The following GGT5 variants were observed in gnomAD, a reference collection of about 807,000 sequenced individuals.
GGT5 encodes the protein gamma-glutamyltransferase 5.
In GGT5, 50 loss-of-function variants were observed where a neutral mutation model predicts 58.1. The observed-to-expected ratio is 0.86, with a 90% confidence interval of 0.69 to 1.09. The LOEUF (loss-of-function observed/expected upper bound fraction) is 1.09. Among genes scored for constraint, GGT5 ranks in the 50% least tolerant of loss-of-function variants. GGT5 has a pLI of 0.00. For missense variants in GGT5, 800 were observed against 789.4 expected, an observed-to-expected ratio of 1.01 and a Z score of -0.16; for synonymous variants, 370 against 346.1, an observed-to-expected ratio of 1.07 and a Z score of -0.77.
In GGT5 at chr22:24,233,539, C is replaced by T. The variant is rs2048012158; in HGVS notation, c.359G>A (p.Ser120Asn). 2 of 1,609,810 alleles carry T rather than the reference C, an allele frequency of 1.2e-6. No homozygotes were observed. Among genetic ancestry groups the T allele is most frequent in the African/African-American group, 1.3e-5 (1 of 74,974 alleles). Residue 120 changes from serine to asparagine, a missense_variant, in exon 3 of 12, where the codon AGC becomes AAC. Coordinates refer to ENST00000327365, the MANE Select transcript of GGT5 (RefSeq NM_004121.5). ...AGCCTGTGCACACTGGTCCAGCAGG[C>T]TCGGGGCGTGGCTGGCCGGCACCGT... ...RETVPASHAP[S>N]LLDQCAQALP...
rs2047714902 is a variant in GGT5, at chr22:24,225,238, G to A, written c.1503+7C>T. ...GGAGACACTCGAGCCAGGAGCCCCA[G>A]ACTCACCTGGGCCACAGCAGAGATG... is the stretch of plus-strand genomic sequence containing the variant. On this transcript the variant is annotated splice_region_variant and intron_variant, in intron 10 of 11. Transcript: ENST00000327365. 2 of 1,612,732 alleles carry A rather than the reference G, an allele frequency of 1.2e-6. No individual in the cohort carries two copies. The highest frequency in any genetic ancestry group is 1.7e-5 in the Admixed American group (1 of 60,012).
Position 24,234,010 on chromosome 22 carries a change from G to A in GGT5, c.174-6C>T. 6.2e-7 allele frequency: 1 copy of A among 1,603,024 alleles called. No individual in the cohort carries two copies. The highest frequency in any genetic ancestry group is 8.5e-7 in the Non-Finnish European group (1 of 1,175,412). On this transcript the variant is annotated splice_polypyrimidine_tract_variant and splice_region_variant and intron_variant, in intron 1 of 11. Transcript: ENST00000327365. ...CCTGCTGCTGGAGGATGGCTCTAGG[G>A]GACATGGCACAGAGTCGCTGTGGGG...
intron 1 of GGT5, chr22:24,243,101 T>C (rs2267073): frequency 0.56 from 85,527 of 151,950 alleles, 24,381 homozygotes; most frequent in African/African-American, 0.64. Context: ...AGACTCCACC[T>C]AGAAATTTGT....
chr22:24,240,189 T>C (rs890270861), intron 1 of GGT5, among the ~76,000 whole-genome samples: 4 of 152,192 alleles, frequency 2.6e-5, no homozygotes, highest in Admixed American at 2.6e-4. Flanking sequence ...CTGTCATCTT[T>C]TAAAATAACC....
In GGT5 at chr22:24,244,741, G is replaced by A; in HGVS notation, c.-16C>T. On this transcript the variant is annotated 5_prime_UTR_variant, in exon 1 of 12. Transcript: ENST00000327365. The stretch of plus-strand genomic sequence containing the variant: ...CCCGGGCCATGGCTCTGCAGCCCAG[G>A]AGGAGAGGGGCGGCTGGTGGGCAGA... 3 of 1,594,456 alleles carry A rather than the reference G, an allele frequency of 1.9e-6. No individual in the cohort carries two copies. The highest frequency in any genetic ancestry group is 1.3e-5 in the African/African-American group (1 of 74,652).
At chr22:24,238,817 A>ATATATATATATTTATATATAATATATAT (rs2048199669) in intron 1 of GGT5, among the ~76,000 whole-genome samples, 1 of 2,028 alleles carries the variant, frequency 4.9e-4, no homozygotes, top group African/African-American at 2.0e-3. Flanking sequence ...AATATATTAT[A>ATATATATATATTTATATATAATATATAT]TATATATATA....
At chr22:24,226,870 C>A in intron 6 of GGT5, 103 bp from the exon 7 acceptor site, 1 of 917,074 alleles carries the variant, frequency 1.1e-6, no homozygotes, top group Non-Finnish European at 1.7e-6. Flanking sequence ...CATCCTAATT[C>A]CCAAAACCTG....
chr22:24,232,866 G>T lies in GGT5; in HGVS notation c.553C>A (p.His185Asn), dbSNP rs556791183. 4 of 1,575,806 alleles carry T rather than the reference G, an allele frequency of 2.5e-6. No homozygotes were observed. The African/African-American group carries it at 5.4e-5, about 21-fold the overall frequency. ...VVAPVLSRFL[H>N]NSILRPSLQA... is the part of the protein sequence containing the mutation. ...AAGGAAGGCCGCAGGATGCTGTTGT[G>T]CAGGAAACGGCTGAGGACAGGGGCC... The change falls in exon 4 of 12, where the codon CAC (histidine) becomes AAC (asparagine). Residue 185 changes from histidine (H) to asparagine (N), a missense_variant. His to Asn is a moderately conservative substitution (Grantham distance 68). Coordinates refer to ENST00000327365, the MANE Select transcript of GGT5 (RefSeq NM_004121.5).
intron 4 of GGT5, 147 bp from the exon 5 acceptor site, chr22:24,232,355 A>G (rs1429633469): frequency 5.4e-6 from 3 of 556,070 alleles, no homozygotes; most frequent in Non-Finnish European, 9.5e-6. Flanking sequence ...ACACCGGGGA[A>G]CTGATTCTCT....
At chr22:24,234,886 G>T (rs900480929) in intron 1 of GGT5, among the ~76,000 whole-genome samples, 2 of 151,950 alleles carry the variant, frequency 1.3e-5, no homozygotes, top group African/African-American at 4.8e-5. Context: ...CTCCCCATCT[G>T]TCCATGGGCA....
At position 24,231,378 on chromosome 22, in the gene GGT5, C is replaced by A; in HGVS notation, c.901+6G>T. ...TGGGCGCCAGGGCTCTGGGCAGGGG[C>A]TTTACCTCTTAGCACGTTGAGGATA... On this transcript the variant is annotated splice_donor_region_variant and intron_variant, in intron 6 of 11. Coordinates refer to ENST00000327365, the MANE Select transcript of GGT5 (RefSeq NM_004121.5). 6.5e-7 allele frequency: 1 copy of A among 1,544,002 alleles called. No homozygotes were observed.
chr22:24,235,765 G>T (rs2048078075), intron 1 of GGT5, among the ~76,000 whole-genome samples: 1 of 152,202 alleles, frequency 6.6e-6, no homozygotes, highest in African/African-American at 2.4e-5. Context: ...ACTAAATGGA[G>T]TGCACCCTTG....
chr22:24,220,370 A>T (rs1259110145), intron 11 of GGT5: 1 of 609,264 alleles, frequency 1.6e-6, no homozygotes, highest in Admixed American at 2.2e-5. Context: ...ATGCAAGTTC[A>T]TGTCTGTTCT....
intron 6 of GGT5, among the ~76,000 whole-genome samples, chr22:24,230,250 C>T (rs1316672218): frequency 6.6e-6 from 1 of 152,010 alleles, no homozygotes; most frequent in African/African-American, 2.4e-5. Context: ...CGCCTGTAAT[C>T]CCAGCTACTT....
In GGT5 at chr22:24,231,529, C is replaced by T. The variant is rs897910139; in HGVS notation, c.756G>A (p.Gly252=). The T allele has an allele frequency of 6.3e-7, 1 of 1,589,166 alleles. No individual in the cohort carries two copies. Among genetic ancestry groups the T allele is most frequent in the Non-Finnish European group, 8.6e-7 (1 of 1,167,916 alleles). The change falls in exon 6 of 12, where the codon GGG becomes GGA. Residue 252 remains glycine (G), a splice_region_variant and synonymous_variant. Coordinates refer to ENST00000327365, the MANE Select transcript of GGT5 (RefSeq NM_004121.5). ...CCAGGTCCTGCAGCGTCAGCTGGCT[C>T]CCTGGGATGAGAAGGAGAGGGCTCC... ...QMLVEDIAKE[G]SQLTLQDLAK...
intron 11 of GGT5, among the ~76,000 whole-genome samples, chr22:24,222,693 C>G (rs930095817): frequency 2.6e-5 from 4 of 152,204 alleles, no homozygotes; most frequent in African/African-American, 9.6e-5. Context: ...AGTCCCCAGA[C>G]TGTCATCTCC....
rs757005297 is a variant in GGT5 at position 24,226,632 on chromosome 22, T to G, written c.1037A>C (p.Gln346Pro). The change falls in exon 7 of 12, where the codon CAG becomes CCG. Residue 346 changes from glutamine to proline, a missense_variant and splice_region_variant. By Grantham distance (76) the Gln-to-Pro change is moderately conservative. Transcript: ENST00000327365. ...GCCCAGCAACCTCAGCAACCTCACC[T>G]GGAGCTTCGGGTGGCTTCGAGGGTC... ...LGDPRSHPKL[Q>P]NASRDLLGET... 8.7e-6 allele frequency: 14 copies of G among 1,613,880 alleles called. No homozygotes were observed. The South Asian group carries it at 1.5e-4, about 18-fold the overall frequency.
In GGT5 at chr22:24,244,556, C is replaced by A. The variant is rs1601445023; in HGVS notation, c.170G>T (p.Gly57Val). 6.2e-7 allele frequency: 1 copy of A among 1,611,490 alleles called. No homozygotes were observed. Among genetic ancestry groups the A allele is most frequent in the South Asian group, 1.1e-5 (1 of 90,982 alleles). ...CTTCCTCCCACGTCTCACTCACCGTCCAATATCCGAGCAGACCTTGGAGTC... is the reference window on the plus strand; with the variant it reads ...CTTCCTCCCACGTCTCACTCACCGTACAATATCCGAGCAGACCTTGGAGTC... ...AADSKVCSDI[G>V]RAILQQQGSP... The change falls in exon 1 of 12, where the codon GGA becomes GTA. Residue 57 changes from glycine to valine, a missense_variant. Gly to Val is a moderately radical substitution (Grantham distance 109, BLOSUM62 -3). Transcript: ENST00000327365.
At chr22:24,220,800 C>T (rs542164298) in intron 11 of GGT5, 23 of 388,766 alleles carry the variant, frequency 5.9e-5, no homozygotes, top group Middle Eastern at 8.9e-4. Context: ...GGGAGGCCGG[C>T]GCAGGAGGAT....
Sources: gnomAD v4.1 joint callset for allele counts (sites outside exome capture counted in the v4.1 genomes callset) on GRCh38, gnomAD v4.1.1 for gene constraint, MANE v1.5 for transcripts, NCBI Gene and HGNC (gene_info 2026-07-23, HGNC 2026-07-21) for gene names.